Variants in ACVR1C observed in about 807,000 individuals in gnomAD.
ACVR1C encodes activin A receptor type 1C, also known as activin receptor type-1C.
In ACVR1C, 23 loss-of-function variants were observed where a neutral mutation model predicts 57.9. The observed-to-expected ratio is 0.40, with a 90% CI of 0.29 to 0.56. ACVR1C has a LOEUF of 0.56. ACVR1C is among the 20% of genes least tolerant of loss of function. The pLI is 0.50. For synonymous variants in ACVR1C, 214 were observed against 215.3 expected, an observed-to-expected ratio of 0.99 and a Z score of 0.05; for missense variants, 480 against 607.9, an observed-to-expected ratio of 0.79 and a Z score of 2.21.
chr2:157,567,201 C>G lies in ACVR1C; in HGVS notation c.305-10869G>C, dbSNP rs1233410384. ...TAACAACCAGAAAGGACATCTACAC[C>G]GAAAACCCATCTGTACATCACCATC... On this transcript the variant is annotated intron_variant, in intron 2 of 8. Transcript: ENST00000243349. 1.9e-4 allele frequency among the ~76,000 whole-genome samples: 17 copies of G among 90,586 alleles called. 1 individual carries two copies. The highest frequency in any genetic ancestry group is 2.3e-5 in the Non-Finnish European group (1 of 44,030). The allele number at this position is 90,586 out of a possible 152,430, so 59.4% of individuals were successfully genotyped here. A position where few individuals can be genotyped will look rare whatever the true frequency, so the allele number is the denominator to read the frequency against.
intron 1 of ACVR1C, among the ~76,000 whole-genome samples, chr2:157,626,942 T>C (rs1048858085): frequency 2.0e-5 from 3 of 152,232 alleles, no homozygotes; most frequent in Admixed American, 2.0e-4. Context: ...GGATTATCTT[T>C]TTTTTATTTT....
intron 1 of ACVR1C, among the ~76,000 whole-genome samples, chr2:157,625,155 AT>A: frequency 6.6e-6 from 1 of 152,292 alleles, no homozygotes; most frequent in East Asian, 1.9e-4. Context: ...TCTGAGAGGC[AT>A]TTTGAACTCA....
intron 2 of ACVR1C, among the ~76,000 whole-genome samples, chr2:157,566,633 G>A (rs553042787): frequency 2.0e-5 from 3 of 152,018 alleles, no homozygotes; most frequent in Admixed American, 1.3e-4. Flanking sequence ...ACTCCCACCC[G>A]AATATTGCGC....
At chr2:157,584,629 C>G (rs963713779) in intron 2 of ACVR1C, among the ~76,000 whole-genome samples, 4 of 152,148 alleles carry the variant, frequency 2.6e-5, no homozygotes, top group Admixed American at 2.0e-4. Context: ...GAAACTATCA[C>G]ACATTTCTGT....
chr2:157,583,422 T>C (rs1688836162), intron 2 of ACVR1C, among the ~76,000 whole-genome samples: 2 of 152,176 alleles, frequency 1.3e-5, no homozygotes, highest in Non-Finnish European at 2.9e-5. Context: ...GGATTAAAAG[T>C]TCAATATTGT....
rs951110531 is a variant in ACVR1C at position 157,531,673 on chromosome 2, A to T, written c.*2245T>A. On this transcript the variant is annotated 3_prime_UTR_variant, in exon 9 of 9. Coordinates refer to ENST00000243349, the MANE Select transcript of ACVR1C (RefSeq NM_145259.3). Reference sequence around the variant, plus strand: ...AACAATCTATGAGAAATTAGTAACAAGAACAAGCAAGATTACCCCTTCACA... The same window carrying T: ...AACAATCTATGAGAAATTAGTAACATGAACAAGCAAGATTACCCCTTCACA... 4 of 152,256 alleles carry T rather than the reference A, an allele frequency of 2.6e-5. No homozygotes were observed. The highest frequency in any genetic ancestry group is 9.6e-5 in the African/African-American group (4 of 41,570). The allele number at this position is 152,256 out of a possible 1,614,324, so 9.4% of individuals were successfully genotyped here.
intron 1 of ACVR1C, among the ~76,000 whole-genome samples, chr2:157,608,156 C>T (rs956610973): frequency 6.6e-6 from 1 of 151,730 alleles, no homozygotes; most frequent in Admixed American, 6.6e-5. Flanking sequence ...GAAGTATATG[C>T]CTCCTATGCC....
chr2:157,596,486 C>T lies in ACVR1C; in HGVS notation c.74-9069G>A, dbSNP rs535294693. ...CCAAATATTACTCCGTGGAGTTTTA[C>T]ACTAGATATGCATAGTGATGTTCTC... On this transcript the variant is annotated intron_variant, in intron 1 of 8. Transcript: ENST00000243349. Among the ~76,000 whole-genome samples the T allele has an allele frequency of 1.4e-4, 22 of 152,254 alleles. No individual in the cohort carries two copies. The South Asian group carries it at 3.7e-3, about 26-fold the overall frequency.
intron 1 of ACVR1C, among the ~76,000 whole-genome samples, chr2:157,626,274 G>A (rs1319306085): frequency 6.6e-6 from 1 of 152,186 alleles, no homozygotes; most frequent in Non-Finnish European, 1.5e-5. Flanking sequence ...CAGCCAGCCT[G>A]ATTTTTTTAA....
rs537549084 is a variant in ACVR1C at position 157,607,619 on chromosome 2, G to C, written c.74-20202C>G. Among the ~76,000 whole-genome samples, 248 of 151,614 alleles carry C rather than the reference G, an allele frequency of 1.6e-3. 1 individual carries two copies. The highest frequency in any genetic ancestry group is 5.8e-3 in the African/African-American group (242 of 41,488). ...ATGAGCATGGAATGTCTTTTCATTT[G>C]TTCATGTCCTTTTCAATTTCTTTCA... is the stretch of plus-strand genomic sequence containing the variant. On this transcript the variant is annotated intron_variant, in intron 1 of 8. Coordinates refer to ENST00000243349, the MANE Select transcript of ACVR1C (RefSeq NM_145259.3).
chr2:157,543,534 C>T (rs2105208798), intron 5 of ACVR1C, among the ~76,000 whole-genome samples: 1 of 152,244 alleles, frequency 6.6e-6, no homozygotes, highest in East Asian at 1.9e-4. Context: ...TTAATAAGTA[C>T]TTTTAAATTC....
chr2:157,537,314 T>C (rs182192226), intron 8 of ACVR1C, among the ~76,000 whole-genome samples: 73 of 152,128 alleles, frequency 4.8e-4, no homozygotes, highest in Non-Finnish European at 8.0e-4. Context: ...TTTTCAAACC[T>C]GGTAGTGGAT....
chr2:157,566,874 G>A (rs1247414261), intron 2 of ACVR1C, among the ~76,000 whole-genome samples: 1 of 151,920 alleles, frequency 6.6e-6, no homozygotes, highest in Non-Finnish European at 1.5e-5. Flanking sequence ...ACAGCTCAAG[G>A]AGGCCTGCCT....
chr2:157,554,204 A>AG lies in ACVR1C; in HGVS notation c.544+1888_544+1889insC, dbSNP rs1491259666. ...GAAAAAAAAAAAATAAAGAAGAGAGAAAGAAAGAAAGAAAGAAAGAAAGAA... is the reference window on the plus strand; with the variant it reads ...GAAAAAAAAAAAATAAAGAAGAGAGAGAAGAAAGAAAGAAAGAAAGAAAGAA... On this transcript the variant is annotated intron_variant, in intron 3 of 8. Transcript: ENST00000243349. Among the ~76,000 whole-genome samples, 91 of 66,748 alleles carry AG rather than the reference A, an allele frequency of 1.4e-3. 4 individuals carry two copies. Among genetic ancestry groups the AG allele is most frequent in the African/African-American group, 6.7e-3 (84 of 12,472 alleles). The allele number at this position is 66,748 out of a possible 152,430, so 43.8% of individuals were successfully genotyped here.
At chr2:157,621,380 T>C (rs1245928334) in intron 1 of ACVR1C, among the ~76,000 whole-genome samples, 1 of 152,148 alleles carries the variant, frequency 6.6e-6, no homozygotes, top group Non-Finnish European at 1.5e-5. Flanking sequence ...TTGGCTTCTA[T>C]GTAAATAAGG....
rs1558975239 is a variant in ACVR1C at position 157,554,284 on chromosome 2, AGAG to A, written c.544+1806_544+1808del. On this transcript the variant is annotated intron_variant, in intron 3 of 8. Transcript: ENST00000243349. ...GAAAGAAAGAAAGGAAGGAAGGAAG[AGAG>A]AGAGAGAGAGAAAGAAAGAAAGGAA... 8.5e-3 allele frequency among the ~76,000 whole-genome samples: 965 copies of A among 114,022 alleles called. 55 individuals carry two copies. Among genetic ancestry groups the A allele is most frequent in the African/African-American group, 0.042 (809 of 19,444 alleles). 74.8% of individuals were successfully genotyped at this position (114,022 alleles called of 152,430 possible).
Position 157,538,576 on chromosome 2 carries a change from A to C in ACVR1C, c.1353T>G (p.Cys451Trp). Residue 451 changes from cysteine to tryptophan, a missense_variant, in exon 8 of 9, where the codon TGT (cysteine) becomes TGG (tryptophan). Physicochemically the swap from Cys to Trp is radical, Grantham distance 215. Coordinates refer to ENST00000243349, the MANE Select transcript of ACVR1C (RefSeq NM_145259.3). ...RPSIPNQWQS[C>W]EALRVMGRIM... ...ATAGATAAAAACATGGCCTTACTTC[A>C]CAACTTTGCCACTGGTTTGGGATAC... 6.4e-7 allele frequency: 1 copy of C among 1,556,964 alleles called. No individual in the cohort carries two copies. The highest frequency in any genetic ancestry group is 8.6e-7 in the Non-Finnish European group (1 of 1,156,106).
chr2:157,594,169 T>C (rs879768935), intron 1 of ACVR1C, among the ~76,000 whole-genome samples: 2 of 152,172 alleles, frequency 1.3e-5, no homozygotes, highest in African/African-American at 2.4e-5. Flanking sequence ...TGGAATTTTC[T>C]CAGTCCAAAG....
At chr2:157,544,788 T>C (rs974481504) in intron 4 of ACVR1C, among the ~76,000 whole-genome samples, 176 bp from the exon 5 acceptor site, 3 of 152,210 alleles carry the variant, frequency 2.0e-5, no homozygotes, top group Admixed American at 6.5e-5. Context: ...CCTGAAGATA[T>C]TGATATGTTG....
Sources: allele counts gnomAD v4.1 joint callset (sites outside exome capture counted in the v4.1 genomes callset), GRCh38; gene constraint gnomAD v4.1.1; transcripts MANE v1.5; gene names NCBI Gene and HGNC (gene_info 2026-07-23, HGNC 2026-07-21).